The following EPHA3 variants were observed in gnomAD, a reference collection of about 807,000 sequenced individuals.
EPHA3 encodes the protein EPH receptor A3, also known as ephrin type-A receptor 3.
A neutral mutation model predicts 107.1 loss-of-function variants in EPHA3; 42 were observed. That is an observed-to-expected ratio of 0.39 (90% CI 0.31 to 0.51). The LOEUF is 0.51. Ranked by LOEUF, EPHA3 falls within the 20% of genes least tolerant of loss-of-function variation. The pLI is 0.78. For missense variants in EPHA3, 1,183 were observed against 1,211.2 expected (o/e 0.98, Z 0.35); for synonymous variants, 461 against 424.8 (o/e 1.09, Z -1.05).
intron 2 of EPHA3, among the ~76,000 whole-genome samples, chr3:89,157,190 G>A (rs1364598962): frequency 6.6e-6 from 1 of 151,964 alleles, no homozygotes; most frequent in African/African-American, 2.4e-5. Flanking sequence ...TTCCACTCTT[G>A]GCCAACCAAA....
intron 5 of EPHA3, among the ~76,000 whole-genome samples, chr3:89,361,645 T>C (rs1708092897): frequency 6.6e-6 from 1 of 151,198 alleles, no homozygotes; most frequent in African/African-American, 2.4e-5. Context: ...TTTTACTTAA[T>C]GAAATTTACC....
chr3:89,331,545 T>C (rs1707290386), intron 3 of EPHA3, among the ~76,000 whole-genome samples: 1 of 152,178 alleles, frequency 6.6e-6, no homozygotes. Context: ...GTTGCTCATA[T>C]AACTTTGTGT....
intron 3 of EPHA3, among the ~76,000 whole-genome samples, chr3:89,282,124 G>A (rs1490614773): frequency 6.6e-6 from 1 of 152,114 alleles, no homozygotes; most frequent in East Asian, 1.9e-4. Flanking sequence ...TCTAGAGTCA[G>A]ATAAAATGGT....
chr3:89,212,456 T>C lies in EPHA3; in HGVS notation c.814+1936T>C, dbSNP rs192540705. On this transcript the variant is annotated intron_variant, in intron 3 of 16. Transcript: ENST00000336596. ...GTCATCTGGCATTCACTTTCAAGCA[T>C]TGACAATATTTTACTTGATTTTTTC... Among the ~76,000 whole-genome samples, 20 of 152,128 alleles carry C rather than the reference T, an allele frequency of 1.3e-4. No homozygotes were observed. In the East Asian group the frequency reaches 2.1e-3, roughly 16 times the overall value.
intron 3 of EPHA3, among the ~76,000 whole-genome samples, chr3:89,268,490 C>T (rs1450180083): frequency 1.3e-5 from 2 of 151,886 alleles, no homozygotes; most frequent in Admixed American, 6.6e-5. Flanking sequence ...ATTTTATTTT[C>T]CTTTTTCTTA....
chr3:89,396,818 G>C (rs996545316), intron 6 of EPHA3, among the ~76,000 whole-genome samples: 10 of 152,114 alleles, frequency 6.6e-5, no homozygotes, highest in African/African-American at 2.4e-4. Context: ...TATATTTACA[G>C]AACATTTCTG....
intron 2 of EPHA3, among the ~76,000 whole-genome samples, chr3:89,180,939 T>C (rs1272808676): frequency 6.6e-6 from 1 of 151,990 alleles, no homozygotes; most frequent in African/African-American, 2.4e-5. Context: ...TGTCACAGCC[T>C]TTTGGACAAG....
intron 3 of EPHA3, among the ~76,000 whole-genome samples, chr3:89,261,655 C>T (rs566690803): frequency 6.6e-6 from 1 of 151,986 alleles, no homozygotes; most frequent in East Asian, 1.9e-4. Flanking sequence ...TTTCTGGATG[C>T]TATTAGAGCA....
intron 2 of EPHA3, among the ~76,000 whole-genome samples, chr3:89,132,824 A>G (rs948648231): frequency 1.2e-4 from 18 of 152,298 alleles, no homozygotes; most frequent in Admixed American, 1.1e-3. Flanking sequence ...CAAGAGTTCC[A>G]GGCTGCAGTG....
intron 5 of EPHA3, among the ~76,000 whole-genome samples, chr3:89,382,508 C>CA (rs575357952): frequency 0.022 from 1,716 of 79,606 alleles, 19 homozygotes; most frequent in Middle Eastern, 0.029. Flanking sequence ...AATTCCATCT[C>CA]AAAAAAAAAA....
chr3:89,168,323 T>C (rs540787011), intron 2 of EPHA3, among the ~76,000 whole-genome samples: 1 of 152,232 alleles, frequency 6.6e-6, no homozygotes, highest in South Asian at 2.1e-4. Context: ...CAGATAACTT[T>C]GACAACTGTG....
intron 1 of EPHA3, among the ~76,000 whole-genome samples, chr3:89,108,521 T>C (rs1363752568): frequency 6.6e-6 from 1 of 152,262 alleles, no homozygotes; most frequent in African/African-American, 2.4e-5. Context: ...TAGGAGAATG[T>C]ATTTAATGAA....
chr3:89,125,095 A>G (rs1286392489), intron 1 of EPHA3, among the ~76,000 whole-genome samples: 1 of 151,808 alleles, frequency 6.6e-6, no homozygotes, highest in East Asian at 1.9e-4. Context: ...TCTTCTTCTC[A>G]CTCTGGTTAC....
chr3:89,130,627 CTTT>C (rs869075361), intron 2 of EPHA3, among the ~76,000 whole-genome samples: 1 of 136,626 alleles, frequency 7.3e-6, no homozygotes, highest in Non-Finnish European at 1.6e-5. Flanking sequence ...TTTCTATCTC[CTTT>C]TTTTTTTTTT....
chr3:89,252,178 C>A (rs1445759723), intron 3 of EPHA3, among the ~76,000 whole-genome samples: 1 of 152,082 alleles, frequency 6.6e-6, no homozygotes, highest in Non-Finnish European at 1.5e-5. Flanking sequence ...ATACTGCAAA[C>A]CATTTCCAAA....
intron 3 of EPHA3, among the ~76,000 whole-genome samples, chr3:89,268,262 G>C (rs532621533): frequency 8.0e-4 from 121 of 152,174 alleles, no homozygotes; most frequent in African/African-American, 2.9e-3. Context: ...CTGACACTTA[G>C]TCTACTAAAC....
In EPHA3 at chr3:89,341,052, T is replaced by A. The variant is rs368359032; in HGVS notation, c.951T>A (p.Pro317=). 153 of 1,613,686 alleles carry A rather than the reference T, an allele frequency of 9.5e-5. No homozygotes were observed. The highest frequency in any genetic ancestry group is 4.9e-4 in the Middle Eastern group (3 of 6,076). The change falls in exon 4 of 17, where the codon CCT becomes CCA. Residue 317 remains proline (P), a synonymous_variant. Coordinates refer to ENST00000336596, the MANE Select transcript of EPHA3 (RefSeq NM_005233.6). ...ATTACTTCCGGGCAGACAAAGACCC[T>A]CCATCCATGGCTTGTACCCGTGAGT... ...ENNYFRADKD[P]PSMACTRPPS...
At position 89,294,972 on chromosome 3, in the gene EPHA3, T is replaced by C. The variant is rs1169595433; in HGVS notation, c.815-45944T>C. Among the ~76,000 whole-genome samples, 10 of 152,216 alleles carry C rather than the reference T, an allele frequency of 6.6e-5. No homozygotes were observed. The East Asian group carries it at 1.7e-3, about 26-fold the overall frequency. On this transcript the variant is annotated intron_variant, in intron 3 of 16. Transcript: ENST00000336596. The stretch of plus-strand genomic sequence containing the variant: ...ACAGTTAAATTATTGAAAAACAGTT[T>C]GATCCTTGTGAGTTCTGTTTTTTAC...
At chr3:89,121,105 A>G (rs1016866996) in intron 1 of EPHA3, among the ~76,000 whole-genome samples, 1 of 152,046 alleles carries the variant, frequency 6.6e-6, no homozygotes, top group African/African-American at 2.4e-5. Context: ...GCGTGGTGGC[A>G]GGTGCCTCTA....
Sources: gnomAD v4.1 joint callset for allele counts (sites outside exome capture counted in the v4.1 genomes callset) on GRCh38, gnomAD v4.1.1 for gene constraint, MANE v1.5 for transcripts, NCBI Gene and HGNC (gene_info 2026-07-23, HGNC 2026-07-21) for gene names.